ANO6: variants seen among roughly 807,000 people sequenced by gnomAD.
ANO6 encodes anoctamin-6.
In ANO6, 106 loss-of-function variants were observed where a neutral mutation model predicts 117.5. The observed-to-expected ratio is 0.90, with a 90% CI of 0.77 to 1.06. ANO6 has a LOEUF of 1.06. Ranked by LOEUF, ANO6 falls within the 50% of genes least tolerant of loss-of-function variation. The pLI is 0.00. For missense variants in ANO6, 955 were observed against 1,121.1 expected, an observed-to-expected ratio of 0.85 and a Z score of 2.12; for synonymous variants, 367 against 385.1, an observed-to-expected ratio of 0.95 and a Z score of 0.55.
Position 45,403,060 on chromosome 12 carries a change from T to C in ANO6, c.1613-12T>C. ...AATTTTAAAATCTTATTTCTCTTTC[T>C]TTTAACTACAGAACTCCCAAGGACC... On this transcript the variant is annotated splice_polypyrimidine_tract_variant and intron_variant, in intron 13 of 19. Transcript: ENST00000320560. 1 of 1,613,414 alleles carries C rather than the reference T, an allele frequency of 6.2e-7. No homozygotes were observed. The highest frequency in any genetic ancestry group is 2.2e-5 in the East Asian group (1 of 44,830).
chr12:45,430,680 A>T lies in ANO6; in HGVS notation c.*1369A>T. On this transcript the variant is annotated 3_prime_UTR_variant, in exon 20 of 20. Coordinates refer to ENST00000320560, the MANE Select transcript of ANO6 (RefSeq NM_001025356.3). ...GGGTTTGGTCACAAACCCTACCATT[A>T]TCTGGAGATTACTTCCTGCTGCACT... is the stretch of plus-strand genomic sequence containing the variant. The T allele has an allele frequency of 1.0e-6, 1 of 985,474 alleles. No homozygotes were observed. The highest frequency in any genetic ancestry group is 1.2e-6 in the Non-Finnish European group (1 of 829,962). The allele number at this position is 985,474 out of a possible 1,614,324, so 61.0% of individuals were successfully genotyped here. A position where few individuals can be genotyped will look rare whatever the true frequency, so the allele number is the denominator to read the frequency against.
At chr12:45,351,181 C>T (rs1169688381) in intron 7 of ANO6, among the ~76,000 whole-genome samples, 1 of 152,218 alleles carries the variant, frequency 6.6e-6, no homozygotes, top group Non-Finnish European at 1.5e-5. Context: ...TCCTATCTCT[C>T]AGGAAGTTCC....
At chr12:45,335,011 C>T (rs1005383796) in intron 3 of ANO6, among the ~76,000 whole-genome samples, 3 of 151,754 alleles carry the variant, frequency 2.0e-5, no homozygotes, top group African/African-American at 7.3e-5. Context: ...GGGAAGAGGT[C>T]TAGGTAGTAC....
chr12:45,255,105 A>G (rs1365728707), intron 1 of ANO6, among the ~76,000 whole-genome samples: 1 of 152,228 alleles, frequency 6.6e-6, no homozygotes, highest in African/African-American at 2.4e-5. Flanking sequence ...TCTGTTTACT[A>G]GAATGTTCTT....
rs116976439 is a variant in ANO6, at chr12:45,231,849, G to A, written c.70+15458G>A. Among the ~76,000 whole-genome samples the A allele has an allele frequency of 3.8e-3, 573 of 152,276 alleles. 2 individuals are homozygous for A. Among genetic ancestry groups the A allele is most frequent in the Non-Finnish European group, 7.2e-3 (492 of 68,018 alleles). On this transcript the variant is annotated intron_variant, in intron 1 of 19. Coordinates refer to ENST00000320560, the MANE Select transcript of ANO6 (RefSeq NM_001025356.3). The stretch of plus-strand genomic sequence containing the variant: ...AGCAAACACAGCAAAAGGCTTTTGA[G>A]CCATGGGTAATCATGGTTTTCCTGA...
intron 9 of ANO6, among the ~76,000 whole-genome samples, chr12:45,375,875 G>A (rs200415695): frequency 0.12 from 16,764 of 138,002 alleles, 1,256 homozygotes; most frequent in East Asian, 0.4. Context: ...TAAACTAAAG[G>A]GCTTCTGCAC....
chr12:45,240,999 A>C (rs1947734200), intron 1 of ANO6, among the ~76,000 whole-genome samples: 1 of 152,062 alleles, frequency 6.6e-6, no homozygotes, highest in African/African-American at 2.4e-5. Context: ...CCTTCATTTC[A>C]ACCTTGGTGA....
In ANO6 at chr12:45,237,916, GTTC is replaced by G. The variant is rs1005916218; in HGVS notation, c.70+21527_70+21529del. On this transcript the variant is annotated intron_variant, in intron 1 of 19. Coordinates refer to ENST00000320560, the MANE Select transcript of ANO6 (RefSeq NM_001025356.3). ...TTATTTCATTGAGCAGTGATTTGTA[GTTC>G]TCCTTGAAGAGGTCCCTCACATCTC... Among the ~76,000 whole-genome samples the G allele has an allele frequency of 1.8e-4, 27 of 152,090 alleles. 1 individual carries two copies. Among genetic ancestry groups the G allele is most frequent in the African/African-American group, 6.3e-4 (26 of 41,414 alleles).
At chr12:45,376,612 A>G (rs968953032) in intron 9 of ANO6, among the ~76,000 whole-genome samples, 6 of 149,290 alleles carry the variant, frequency 4.0e-5, no homozygotes, top group Middle Eastern at 3.2e-3. Context: ...ACAAAAAACC[A>G]AACACCGCAT....
At chr12:45,292,960 G>T in intron 1 of ANO6, 10 of 1,551,238 alleles carry the variant, frequency 6.4e-6, no homozygotes, top group Non-Finnish European at 7.8e-6. Context: ...TATTTGGTGA[G>T]TTGCTGGAAC....
At chr12:45,378,013 G>A (rs1439879869) in intron 9 of ANO6, 40 bp from the exon 10 acceptor site, 1 of 1,544,162 alleles carries the variant, frequency 6.5e-7, no homozygotes. Flanking sequence ...CCTAATAAGT[G>A]GAGGATATGA....
chr12:45,331,222 G>C, intron 2 of ANO6, 73 bp from the exon 3 acceptor site: 5 of 1,368,376 alleles, frequency 3.7e-6, no homozygotes, highest in Non-Finnish European at 5.1e-6. Context: ...ATTAAAGCTT[G>C]AAAATTAACA....
chr12:45,332,456 T>C (rs1047648318), intron 3 of ANO6, among the ~76,000 whole-genome samples: 1 of 151,986 alleles, frequency 6.6e-6, no homozygotes. Flanking sequence ...ATCAGTACTG[T>C]TTTATTCATC....
At chr12:45,319,803 TTGA>T (rs1484567442) in intron 2 of ANO6, among the ~76,000 whole-genome samples, 1 of 152,236 alleles carries the variant, frequency 6.6e-6, no homozygotes, top group African/African-American at 2.4e-5. Flanking sequence ...GATCCTGTTA[TTGA>T]TCTATTGAGC....
rs1947767610 is a variant in ANO6, at chr12:45,242,866, T to C, written c.70+26475T>C. On this transcript the variant is annotated intron_variant, in intron 1 of 19. Coordinates refer to ENST00000320560, the MANE Select transcript of ANO6 (RefSeq NM_001025356.3). ...TACCTTTGGGTAAAAAAGGTGATCA[T>C]GACTACTGACTTTTAATCTGCAACT... is the stretch of plus-strand genomic sequence containing the variant. 2.0e-5 allele frequency among the ~76,000 whole-genome samples: 3 copies of C among 152,326 alleles called. No homozygotes were observed. In the South Asian group the frequency reaches 6.2e-4, roughly 32 times the overall value.
intron 12 of ANO6, among the ~76,000 whole-genome samples, chr12:45,401,481 CT>C (rs368870451): frequency 2.0e-5 from 3 of 152,034 alleles, no homozygotes; most frequent in Non-Finnish European, 4.4e-5. Flanking sequence ...TTTAAATAGA[CT>C]TTTTTTAGAG....
At chr12:45,324,055 A>G (rs933243587) in intron 2 of ANO6, among the ~76,000 whole-genome samples, 1 of 150,830 alleles carries the variant, frequency 6.6e-6, no homozygotes, top group Admixed American at 6.6e-5. Flanking sequence ...CTCCTGCCTC[A>G]GCCTCCCGAG....
intron 3 of ANO6, among the ~76,000 whole-genome samples, chr12:45,342,481 A>G (rs932465282): frequency 3.3e-5 from 5 of 152,218 alleles, no homozygotes; most frequent in East Asian, 1.9e-4. Flanking sequence ...GGATGCCCCT[A>G]TGCTCTCTAT....
chr12:45,254,647 A>G (rs1025063757), intron 1 of ANO6, among the ~76,000 whole-genome samples: 2 of 152,242 alleles, frequency 1.3e-5, no homozygotes, highest in African/African-American at 4.8e-5. Flanking sequence ...GGCTAATCAA[A>G]TGTTTATCAC....
Sources: allele counts gnomAD v4.1 joint callset (sites outside exome capture counted in the v4.1 genomes callset), GRCh38; gene constraint gnomAD v4.1.1; transcripts MANE v1.5; gene names NCBI Gene and HGNC (gene_info 2026-07-23, HGNC 2026-07-21).